ENPEP: variants seen among roughly 807,000 people sequenced by gnomAD.
ENPEP encodes AP-A.
Under a neutral mutation model 114.5 loss-of-function variants are expected in ENPEP, and 103 were observed. That is an observed-to-expected ratio of 0.90 (90% CI 0.77 to 1.06). ENPEP has a LOEUF of 1.06. Ranked by LOEUF, ENPEP falls within the 50% of genes least tolerant of loss-of-function variation. The pLI is 0.00. For missense variants in ENPEP, 1,196 were observed against 1,161.3 expected (o/e 1.03, Z -0.43); for synonymous variants, 420 against 422.0 (o/e 1.00, Z 0.06).
intron 11 of ENPEP, among the ~76,000 whole-genome samples, chr4:110,534,685 T>G (rs2110378477): frequency 6.6e-6 from 1 of 151,842 alleles, no homozygotes; most frequent in Non-Finnish European, 1.5e-5. Context: ...TTTTTTGTAT[T>G]TTTAGTAAGG....
Position 110,506,723 on chromosome 4 carries a change from A to C in ENPEP, c.1005A>C (p.Glu335Asp), listed in dbSNP as rs1173955128. The C allele has an allele frequency of 6.2e-7, 1 of 1,603,348 alleles. No individual in the cohort carries two copies. The highest frequency in any genetic ancestry group is 8.5e-7 in the Non-Finnish European group (1 of 1,171,548). The stretch of plus-strand genomic sequence containing the variant: ...AAAGTGTGTTTGATTATTTTGAAGA[A>C]TACTTTGCTATGAATTATTCTCTTC... ...ITKSVFDYFE[E>D]YFAMNYSLPK... Residue 335 changes from glutamate (E) to aspartate (D), a missense_variant, in exon 4 of 20, where the codon GAA becomes GAC. Physicochemically the swap from Glu to Asp is conservative, Grantham distance 45. Transcript: ENST00000265162.
intron 1 of ENPEP, among the ~76,000 whole-genome samples, chr4:110,479,392 ATAAC>A (rs1037936454): frequency 2.2e-4 from 33 of 152,184 alleles, no homozygotes; most frequent in Non-Finnish European, 4.4e-4. Flanking sequence ...ATCCTTGTAA[ATAAC>A]TATTTATGGA....
chr4:110,522,184 G>A (rs926511030), intron 10 of ENPEP, among the ~76,000 whole-genome samples: 4 of 151,328 alleles, frequency 2.6e-5, no homozygotes, highest in Non-Finnish European at 5.9e-5. Context: ...GGACTAGATA[G>A]GATTCTTTTT....
intron 18 of ENPEP, chr4:110,559,128 C>T (rs976462932): frequency 6.5e-6 from 1 of 152,876 alleles, no homozygotes; most frequent in African/African-American, 2.4e-5. Context: ...CGTGCTTCTG[C>T]TCTGTGAGGC....
chr4:110,503,008 A>G (rs865788965), intron 3 of ENPEP, among the ~76,000 whole-genome samples: 2 of 151,872 alleles, frequency 1.3e-5, no homozygotes, highest in African/African-American at 4.8e-5. Context: ...GCACCCATTA[A>G]CTCGTCATTT....
intron 13 of ENPEP, among the ~76,000 whole-genome samples, chr4:110,545,109 G>C (rs138674118): frequency 6.6e-6 from 1 of 151,372 alleles, no homozygotes; most frequent in South Asian, 2.1e-4. Flanking sequence ...TTTGGTGGAG[G>C]GGGTGGAAGA....
At chr4:110,515,719 C>T (rs1725739478) in intron 8 of ENPEP, 1 of 528,186 alleles carries the variant, frequency 1.9e-6, no homozygotes, top group Non-Finnish European at 3.6e-6. Context: ...GCTTGGGCTG[C>T]CATAAGGAAA....
intron 10 of ENPEP, among the ~76,000 whole-genome samples, chr4:110,526,365 T>C (rs1397527755): frequency 6.6e-6 from 1 of 152,226 alleles, no homozygotes; most frequent in African/African-American, 2.4e-5. Flanking sequence ...ACAACACTTA[T>C]TGAACATTGA....
chr4:110,493,349 T>C (rs1284482309), intron 3 of ENPEP, among the ~76,000 whole-genome samples: 1 of 152,262 alleles, frequency 6.6e-6, no homozygotes, highest in Non-Finnish European at 1.5e-5. Flanking sequence ...CATTTTGTTT[T>C]AAATAAGTGA....
chr4:110,509,886 CTT>C (rs1378987626), intron 5 of ENPEP, 79 bp downstream of exon 5: 5 of 1,490,098 alleles, frequency 3.4e-6, no homozygotes, highest in African/African-American at 1.4e-5. Context: ...TTATTTATGA[CTT>C]AGCAAATAAA....
At position 110,563,536 on chromosome 4, in the gene ENPEP, A is replaced by G. The variant is rs898571490; in HGVS notation, c.*1978A>G. The G allele has an allele frequency of 2.6e-5, 4 of 152,188 alleles. No homozygotes were observed. The highest frequency in any genetic ancestry group is 9.6e-5 in the African/African-American group (4 of 41,456). 9.4% of individuals were successfully genotyped at this position (152,188 alleles called of 1,614,324 possible). A position where few individuals can be genotyped will look rare whatever the true frequency, so the allele number is the denominator to read the frequency against. ...TAAAAGGCTGATGCCTAATAGATAG[A>G]TCTATGCCAAGCACAGTTTATTACT... On this transcript the variant is annotated 3_prime_UTR_variant, in exon 20 of 20. Transcript: ENST00000265162.
Position 110,553,264 on chromosome 4 carries a change from G to A in ENPEP, c.2502-51G>A, listed in dbSNP as rs780006733. 11 of 1,494,028 alleles carry A rather than the reference G, an allele frequency of 7.4e-6. No homozygotes were observed. In the Admixed American group the frequency reaches 2.0e-4, roughly 27 times the overall value. The allele number at this position is 1,494,028 out of a possible 1,614,324, so 92.5% of individuals were successfully genotyped here. A position where few individuals can be genotyped will look rare whatever the true frequency, so the allele number is the denominator to read the frequency against. On this transcript the variant is annotated intron_variant, in intron 17 of 19. Coordinates refer to ENST00000265162, the MANE Select transcript of ENPEP (RefSeq NM_001977.4). ...ATTTTGTATTGGAATTTAGCTAAGG[G>A]TGAACATTAAAAGTTCACTTTGAAT...
Position 110,476,199 on chromosome 4 carries a change from T to G in ENPEP, c.-216T>G. ...CTCGGCTCCTCTTACGGAGTCCTCATTCCACCCCCCTTGTTTCCGCATTCA... is the reference window on the plus strand; with the variant it reads ...CTCGGCTCCTCTTACGGAGTCCTCAGTCCACCCCCCTTGTTTCCGCATTCA... On this transcript the variant is annotated 5_prime_UTR_variant, in exon 1 of 20. Transcript: ENST00000265162. 1 of 543,740 alleles carries G rather than the reference T, an allele frequency of 1.8e-6. No homozygotes were observed. The highest frequency in any genetic ancestry group is 3.1e-6 in the Non-Finnish European group (1 of 320,348). The allele number at this position is 543,740 out of a possible 1,614,324, so 33.7% of individuals were successfully genotyped here.
chr4:110,549,247 A>G (rs1198090995), intron 14 of ENPEP, 99 bp from the exon 15 acceptor site: 24 of 969,990 alleles, frequency 2.5e-5, no homozygotes, highest in Non-Finnish European at 3.8e-5. Flanking sequence ...CTGAATTAGT[A>G]GGAAAACAGA....
chr4:110,554,266 G>A (rs1333073519), intron 18 of ENPEP, among the ~76,000 whole-genome samples: 1 of 151,934 alleles, frequency 6.6e-6, no homozygotes, highest in Non-Finnish European at 1.5e-5. Context: ...CAATCCAGCG[G>A]CACTGTCTCA....
At chr4:110,506,989 T>C (rs1442835026) in intron 4 of ENPEP, among the ~76,000 whole-genome samples, 1 of 152,194 alleles carries the variant, frequency 6.6e-6, no homozygotes, top group African/African-American at 2.4e-5. Flanking sequence ...ATCTGATGAA[T>C]ATATAATCTT....
chr4:110,493,904 C>T (rs1560553161), intron 3 of ENPEP, among the ~76,000 whole-genome samples: 2 of 152,086 alleles, frequency 1.3e-5, no homozygotes, highest in South Asian at 2.1e-4. Context: ...CTAAGAATAA[C>T]CAGGTATATG....
chr4:110,505,598 G>A (rs1201216688), intron 3 of ENPEP, among the ~76,000 whole-genome samples: 1 of 152,208 alleles, frequency 6.6e-6, no homozygotes, highest in African/African-American at 2.4e-5. Context: ...AATAAAGAGA[G>A]TGGGCAATAT....
chr4:110,528,232 A>G (rs556010393), intron 10 of ENPEP, among the ~76,000 whole-genome samples: 50 of 152,314 alleles, frequency 3.3e-4, no homozygotes, highest in African/African-American at 1.2e-3. Flanking sequence ...TCATATATGC[A>G]TAGGAAAAGA....
Sources: allele counts gnomAD v4.1 joint callset (sites outside exome capture counted in the v4.1 genomes callset), GRCh38; gene constraint gnomAD v4.1.1; transcripts MANE v1.5; gene names NCBI Gene and HGNC (gene_info 2026-07-23, HGNC 2026-07-21).